The following GMCL1 variants were observed in gnomAD, a reference collection of about 807,000 sequenced individuals.
GMCL1 encodes the protein germ cell-less 1, spermatogenesis associated.
A neutral mutation model predicts 75.5 loss-of-function variants in GMCL1; 54 were observed. The ratio of observed to expected loss-of-function variants is 0.71; its 90% CI spans 0.57 to 0.90. The LOEUF is 0.90. Among genes scored for constraint, GMCL1 ranks in the 40% least tolerant of loss-of-function variants. The probability of loss-of-function intolerance (pLI) is 0.00; values close to 1 mark genes in which losing one functional copy is unlikely to be tolerated. For synonymous variants in GMCL1, 210 were observed against 209.6 expected, an observed-to-expected ratio of 1.00 and a Z score of -0.02; for missense variants, 537 against 622.7, an observed-to-expected ratio of 0.86 and a Z score of 1.47.
intron 1 of GMCL1, among the ~76,000 whole-genome samples, chr2:69,832,301 T>C (rs1674697085): frequency 6.6e-6 from 1 of 152,144 alleles, no homozygotes; most frequent in Admixed American, 6.6e-5. Context: ...ATTGGAGATA[T>C]AAATACCTGC....
chr2:69,849,636 A>T lies in GMCL1; in HGVS notation c.844-16A>T. On this transcript the variant is annotated splice_polypyrimidine_tract_variant and intron_variant, in intron 7 of 13. Coordinates refer to ENST00000282570, the MANE Select transcript of GMCL1 (RefSeq NM_178439.5). ...AATTTCATAATTGTTTTCTTATTTA[A>T]TTTTTTTTAACTTAGTGGATGTTCC... 2 of 1,446,132 alleles carry T rather than the reference A, an allele frequency of 1.4e-6. No homozygotes were observed. The highest frequency in any genetic ancestry group is 1.9e-6 in the Non-Finnish European group (2 of 1,065,484). 89.6% of individuals were successfully genotyped at this position (1,446,132 alleles called of 1,614,324 possible). A position where few individuals can be genotyped will look rare whatever the true frequency, so the allele number is the denominator to read the frequency against.
At chr2:69,848,865 C>G (rs1675228659) in intron 7 of GMCL1, among the ~76,000 whole-genome samples, 1 of 152,172 alleles carries the variant, frequency 6.6e-6, no homozygotes, top group East Asian at 1.9e-4. Flanking sequence ...GTGCCCGGCT[C>G]TTAAGTGCCA....
At chr2:69,848,082 A>C (rs1404297317) in intron 7 of GMCL1, among the ~76,000 whole-genome samples, 4 of 152,176 alleles carry the variant, frequency 2.6e-5, no homozygotes, top group Non-Finnish European at 4.4e-5. Context: ...ACATTTAAAA[A>C]ATCTAATTTT....
Position 69,861,343 on chromosome 2 carries a change from G to T in GMCL1, c.1138G>T (p.Val380Leu), listed in dbSNP as rs754204506. ...AMLRAEQDSE[V>L]GPQEINKEEL... is the part of the protein sequence containing the mutation. The stretch of plus-strand genomic sequence containing the variant: ...GCTGCGGGCAGAACAGGACAGTGAG[G>T]TGGGGTAAGTATATTATACCTTATC... The change falls in exon 10 of 14, where the codon GTG (valine) becomes TTG (leucine). Residue 380 changes from valine to leucine, a missense_variant. Physicochemically the swap from Val to Leu is conservative, Grantham distance 32. Transcript: ENST00000282570. The T allele has an allele frequency of 2.5e-6, 4 of 1,602,504 alleles. No homozygotes were observed. Among genetic ancestry groups the T allele is most frequent in the Non-Finnish European group, 3.4e-6 (4 of 1,171,106 alleles).
At chr2:69,831,321 A>T (rs1254105625) in intron 1 of GMCL1, among the ~76,000 whole-genome samples, 1 of 151,600 alleles carries the variant, frequency 6.6e-6, no homozygotes, top group Non-Finnish European at 1.5e-5. Context: ...AGTTTGGTTT[A>T]TAAAACCTTT....
intron 8 of GMCL1, among the ~76,000 whole-genome samples, chr2:69,853,910 C>A (rs369487464): frequency 8.6e-5 from 13 of 151,702 alleles, no homozygotes; most frequent in East Asian, 3.9e-4. Context: ...TTAAGCAATT[C>A]TCTGCCTCAG....
rs1461417657 is a variant in GMCL1 at position 69,873,583 on chromosome 2, G to T, written c.1452+1751G>T. On this transcript the variant is annotated intron_variant, in intron 13 of 13. Coordinates refer to ENST00000282570, the MANE Select transcript of GMCL1 (RefSeq NM_178439.5). Reference sequence around the variant, plus strand: ...CAACTTAGATGATCCCAATTTTTTGGCAGCCTCTAAAAGCAGCATGCTCAG... The same window carrying T: ...CAACTTAGATGATCCCAATTTTTTGTCAGCCTCTAAAAGCAGCATGCTCAG... 4 of 152,802 alleles carry T rather than the reference G, an allele frequency of 2.6e-5. No individual in the cohort carries two copies. The East Asian group carries it at 7.6e-4, about 29-fold the overall frequency. The allele number at this position is 152,802 out of a possible 1,614,324, so 9.5% of individuals were successfully genotyped here. A position where few individuals can be genotyped will look rare whatever the true frequency, so the allele number is the denominator to read the frequency against.
intron 1 of GMCL1, among the ~76,000 whole-genome samples, chr2:69,832,530 A>G (rs766278878): frequency 6.6e-6 from 1 of 152,226 alleles, no homozygotes. Context: ...TCACATGTAT[A>G]TAACAAGTAG....
At chr2:69,870,333 T>TA (rs1211531005) in intron 12 of GMCL1, among the ~76,000 whole-genome samples, 1 of 152,048 alleles carries the variant, frequency 6.6e-6, no homozygotes, top group Non-Finnish European at 1.5e-5. Flanking sequence ...TATTTATACT[T>TA]ACCTTACACC....
At chr2:69,867,337 C>T (rs1573369926) in intron 11 of GMCL1, among the ~76,000 whole-genome samples, 1 of 152,228 alleles carries the variant, frequency 6.6e-6, no homozygotes, top group East Asian at 1.9e-4. Context: ...TGCTCTTGTG[C>T]TCCACCCTAC....
intron 11 of GMCL1, among the ~76,000 whole-genome samples, chr2:69,866,952 C>CT (rs141240208): frequency 0.093 from 13,589 of 146,746 alleles, 1,448 homozygotes; most frequent in Admixed American, 0.28. Context: ...TCTTTTCTTT[C>CT]TTTTTTTTTT....
At chr2:69,855,626 A>G (rs115950970) in intron 9 of GMCL1, among the ~76,000 whole-genome samples, 381 of 152,218 alleles carry the variant, frequency 2.5e-3, no homozygotes, top group African/African-American at 8.8e-3. Flanking sequence ...TTTGTTCCTG[A>G]TATCTGTATA....
intron 10 of GMCL1, among the ~76,000 whole-genome samples, chr2:69,862,011 CAAAA>C (rs1675666385): frequency 6.6e-6 from 1 of 150,952 alleles, no homozygotes; most frequent in South Asian, 2.1e-4. Context: ...CTCAAAAAAA[CAAAA>C]CAAACAAACA....
chr2:69,853,285 T>G (rs1185389690), intron 8 of GMCL1, among the ~76,000 whole-genome samples: 7 of 152,240 alleles, frequency 4.6e-5, no homozygotes, highest in African/African-American at 1.7e-4. Flanking sequence ...ATAAATCCAC[T>G]GTCACACACC....
intron 2 of GMCL1, among the ~76,000 whole-genome samples, chr2:69,838,399 A>G (rs13388982): frequency 0.076 from 11,322 of 149,450 alleles, 1,502 homozygotes; most frequent in African/African-American, 0.27. Context: ...ATGTTGCTCT[A>G]ATGGCCCAAA....
In GMCL1 at chr2:69,869,931, T is replaced by A. The variant is rs534941841; in HGVS notation, c.1364+67T>A. On this transcript the variant is annotated intron_variant, in intron 12 of 13. Transcript: ENST00000282570. Reference sequence around the variant, plus strand: ...GAAAATATAAGAAATAAAACCTTGATAATTTACACCAACATTAGTAGAACT... The same window carrying A: ...GAAAATATAAGAAATAAAACCTTGAAAATTTACACCAACATTAGTAGAACT... 9 of 1,495,350 alleles carry A rather than the reference T, an allele frequency of 6.0e-6. No homozygotes were observed. In the East Asian group the frequency reaches 2.1e-4, roughly 34 times the overall value. The allele number at this position is 1,495,350 out of a possible 1,614,324, so 92.6% of individuals were successfully genotyped here.
intron 11 of GMCL1, among the ~76,000 whole-genome samples, chr2:69,868,750 G>A (rs1002850399): frequency 1.3e-5 from 2 of 150,488 alleles, no homozygotes; most frequent in African/African-American, 4.9e-5. Flanking sequence ...ATTTTAATGG[G>A]CTCTTAATTA....
Position 69,859,742 on chromosome 2 carries a change from T to TAAAAAAAAAAAAAAAAAAA in GMCL1, c.1073-1520_1073-1519insAAAAAAAAAAAAAAAAAAA, listed in dbSNP as rs1207817401. Among the ~76,000 whole-genome samples the TAAAAAAAAAAAAAAAAAAA allele has an allele frequency of 1.4e-3, 113 of 79,026 alleles. 6 individuals are homozygous for TAAAAAAAAAAAAAAAAAAA. The highest frequency in any genetic ancestry group is 6.3e-3 in the Middle Eastern group (1 of 158). The allele number at this position is 79,026 out of a possible 152,430, so 51.8% of individuals were successfully genotyped here. On this transcript the variant is annotated intron_variant, in intron 9 of 13. Transcript: ENST00000282570. The stretch of plus-strand genomic sequence containing the variant: ...GAGTGAGACCGTGTCTCTCTCTCTC[T>TAAAAAAAAAAAAAAAAAAA]AAAAAAAAAAAAAAAAGTATATATG...
At chr2:69,874,326 T>TA (rs1279617391) in intron 13 of GMCL1, among the ~76,000 whole-genome samples, 1 of 152,156 alleles carries the variant, frequency 6.6e-6, no homozygotes, top group Admixed American at 6.5e-5. Flanking sequence ...CCCAGCGTAG[T>TA]AAATGTGAAA....
Sources: gnomAD v4.1 joint callset for allele counts (sites outside exome capture counted in the v4.1 genomes callset) on GRCh38, gnomAD v4.1.1 for gene constraint, MANE v1.5 for transcripts, NCBI Gene and HGNC (gene_info 2026-07-23, HGNC 2026-07-21) for gene names.